The following CNOT9 variants were observed in gnomAD, a reference collection of about 807,000 sequenced individuals.
CNOT9 encodes RCD1 required for cell differentiation1 homolog.
Under a neutral mutation model 37.4 loss-of-function variants are expected in CNOT9, and 8 were observed. The ratio of observed to expected loss-of-function variants is 0.21; its 90% CI spans 0.13 to 0.39. The LOEUF is 0.39. Among genes scored for constraint, CNOT9 ranks in the 10% least tolerant of loss-of-function variants. CNOT9 has a pLI of 1.00. For synonymous variants in CNOT9, 120 were observed against 137.6 expected, an observed-to-expected ratio of 0.87 and a Z score of 0.90; for missense variants, 154 against 365.3, an observed-to-expected ratio of 0.42 and a Z score of 4.71.
chr2:218,579,982 C>CTT (rs35938584), intron 1 of CNOT9, among the ~76,000 whole-genome samples: 52 of 115,346 alleles, frequency 4.5e-4, no homozygotes, highest in African/African-American at 9.7e-4. Context: ...CCACACCTGG[C>CTT]TTTTTTTTTT....
In CNOT9 at chr2:218,592,636, A is replaced by G. The variant is rs980428960; in HGVS notation, c.660A>G (p.Leu220=). The G allele has an allele frequency of 8.7e-6, 14 of 1,614,066 alleles. No individual in the cohort carries two copies. Among genetic ancestry groups the G allele is most frequent in the East Asian group, 6.7e-5 (3 of 44,896 alleles). The part of the protein sequence containing the change: ...AMILGKMVLQ[L]SKEPSARLLK... ...AACAGGGTAAGATGGTCCTGCAGCTATCCAAAGAGCCTTCTGCCCGTCTGC... is the reference window on the plus strand; with the variant it reads ...AACAGGGTAAGATGGTCCTGCAGCTGTCCAAAGAGCCTTCTGCCCGTCTGC... Residue 220 remains leucine (L), a synonymous_variant, in exon 7 of 8, where the codon CTA becomes CTG. Transcript: ENST00000273064. This position sits in a 1 kb window ranked among gnomAD's most constrained non-coding sequence, Gnocchi z 4.1.
intron 2 of CNOT9, chr2:218,581,097 GAGTATAAGGACCACA>G: frequency 2.2e-6 from 1 of 456,426 alleles, no homozygotes; most frequent in Admixed American, 2.4e-5. Context: ...GTGGAAAGTA[GAGTATAAGGACCACA>G]AGGTACAATA....
chr2:218,574,536 G>C (rs1194141729), intron 1 of CNOT9, among the ~76,000 whole-genome samples: 1 of 152,148 alleles, frequency 6.6e-6, no homozygotes, highest in Non-Finnish European at 1.5e-5. Context: ...CTATCCTTGA[G>C]ACCAGATAGA....
intron 5 of CNOT9, chr2:218,589,094 A>G (rs546292099): frequency 2.2e-4 from 33 of 151,810 alleles, no homozygotes; most frequent in African/African-American, 7.0e-4. Context: ...GTAGTATTCA[A>G]CCTCTGCTCT....
chr2:218,568,841 G>A lies in CNOT9; in HGVS notation c.-114G>A. ...GAGGGCCGCGAAGTGGGCGGAGCGA[G>A]CCGGAGTCGGATGGCGGCTACGGCG... On this transcript the variant is annotated 5_prime_UTR_variant, in exon 1 of 8. Coordinates refer to ENST00000273064, the MANE Select transcript of CNOT9 (RefSeq NM_005444.3). The A allele has an allele frequency of 4.0e-6, 5 of 1,258,632 alleles. No individual in the cohort carries two copies. The highest frequency in any genetic ancestry group is 5.6e-6 in the Non-Finnish European group (5 of 893,564). 78.0% of individuals were successfully genotyped at this position (1,258,632 alleles called of 1,614,324 possible).
Position 218,594,361 on chromosome 2 carries a change from G to T in CNOT9, c.*85G>T. On this transcript the variant is annotated 3_prime_UTR_variant, in exon 8 of 8. Transcript: ENST00000273064. ...GAAAAACAGCTCAGGTTTTATCACC[G>T]ACTGGGAATAGACAACCTCAATGCT... The T allele has an allele frequency of 7.1e-7, 1 of 1,415,282 alleles. No homozygotes were observed. The highest frequency in any genetic ancestry group is 1.3e-5 in the South Asian group (1 of 74,864). The allele number at this position is 1,415,282 out of a possible 1,614,324, so 87.7% of individuals were successfully genotyped here.
intron 1 of CNOT9, 41 bp downstream of exon 1, chr2:218,569,019 C>T: frequency 6.2e-7 from 1 of 1,608,364 alleles, no homozygotes; most frequent in Non-Finnish European, 8.5e-7. Context: ...AGAATCCTTT[C>T]TCAGACCCAC....
chr2:218,579,872 G>C (rs1183942307), intron 1 of CNOT9, among the ~76,000 whole-genome samples: 1 of 151,508 alleles, frequency 6.6e-6, no homozygotes, highest in Non-Finnish European at 1.5e-5. Flanking sequence ...AAGCTGGAGT[G>C]CAATGGTGCA....
intron 3 of CNOT9, 143 bp downstream of exon 3, chr2:218,583,229 GTGTGTCTCTCTCTCTCTCTCTCTC>G (rs1368904274): frequency 4.3e-3 from 384 of 90,104 alleles, no homozygotes; most frequent in Middle Eastern, 0.01. Flanking sequence ...GTGTGTGTGT[GTGTGTCTCTCTCTCTCTCTCTCTC>G]TCTCTCTCTC....
chr2:218,571,414 A>C (rs1163163839), intron 1 of CNOT9, among the ~76,000 whole-genome samples: 1 of 152,182 alleles, frequency 6.6e-6, no homozygotes, highest in African/African-American at 2.4e-5. Flanking sequence ...GCAACATAGC[A>C]AGACTTTGTC....
intron 7 of CNOT9, chr2:218,593,764 A>G: frequency 8.3e-7 from 1 of 1,205,470 alleles, no homozygotes; most frequent in Non-Finnish European, 1.1e-6. Flanking sequence ...TGATTTTTGA[A>G]TTATTTTATT....
At position 218,570,965 on chromosome 2, in the gene CNOT9, G is replaced by A. The variant is rs572227904; in HGVS notation, c.24+1987G>A. ...TCATTCACTAGGTTATATTTAGCTA[G>A]TGAGGAAACTAAAACGTAAAAAGTT... On this transcript the variant is annotated intron_variant, in intron 1 of 7. Transcript: ENST00000273064. Among the ~76,000 whole-genome samples the A allele has an allele frequency of 2.0e-5, 3 of 152,306 alleles. No homozygotes were observed. The South Asian group carries it at 6.2e-4, about 32-fold the overall frequency.
rs1694889030 is a variant in CNOT9, at chr2:218,594,922, G to A, written c.*646G>A. 1 of 152,228 alleles carries A rather than the reference G, an allele frequency of 6.6e-6. No individual in the cohort carries two copies. The allele number at this position is 152,228 out of a possible 1,614,324, so 9.4% of individuals were successfully genotyped here. A position where few individuals can be genotyped will look rare whatever the true frequency, so the allele number is the denominator to read the frequency against. ...GGCAGGCCAATAGCTGCATCAAGCT[G>A]TTGGGAGAAATGGGAGGGCAGGGGA... On this transcript the variant is annotated 3_prime_UTR_variant, in exon 8 of 8. Transcript: ENST00000273064.
chr2:218,594,064 T>A, intron 7 of CNOT9, 44 bp from the exon 8 acceptor site: 1 of 1,598,376 alleles, frequency 6.3e-7, no homozygotes, highest in South Asian at 1.1e-5. Flanking sequence ...AAATGTGGGT[T>A]TATTTGTTGG....
chr2:218,582,955 G>T lies in CNOT9; in HGVS notation c.205-16G>T. Reference sequence around the variant, plus strand: ...AGTTATTCCTTATTCATCTGATGCTGATTTCCATTTTTTAGGAAATTGTAA... The same window carrying T: ...AGTTATTCCTTATTCATCTGATGCTTATTTCCATTTTTTAGGAAATTGTAA... On this transcript the variant is annotated splice_polypyrimidine_tract_variant and intron_variant, in intron 2 of 7. Transcript: ENST00000273064. 7.1e-7 allele frequency: 1 copy of T among 1,417,546 alleles called. No homozygotes were observed. Among genetic ancestry groups the T allele is most frequent in the African/African-American group, 1.4e-5 (1 of 70,654 alleles). 87.8% of individuals were successfully genotyped at this position (1,417,546 alleles called of 1,614,324 possible).
chr2:218,583,545 G>T (rs1180283687), intron 3 of CNOT9, among the ~76,000 whole-genome samples: 2 of 151,982 alleles, frequency 1.3e-5, no homozygotes, highest in African/African-American at 4.8e-5. Context: ...TATAATAGAC[G>T]AGAATTGGCA....
chr2:218,569,385 T>G (rs1693876225), intron 1 of CNOT9, among the ~76,000 whole-genome samples: 1 of 152,208 alleles, frequency 6.6e-6, no homozygotes, highest in Non-Finnish European at 1.5e-5. Flanking sequence ...AGGAAATGGC[T>G]TCTAGTTCAA....
chr2:218,581,641 A>G (rs1433192611), intron 2 of CNOT9, among the ~76,000 whole-genome samples: 2 of 152,238 alleles, frequency 1.3e-5, no homozygotes, highest in African/African-American at 2.4e-5. Flanking sequence ...ATGATCATCC[A>G]TTAAAGTATT....
rs759268121 is a variant in CNOT9 at position 218,574,720 on chromosome 2, TTAA to T, written c.24+5747_24+5749del. Among the ~76,000 whole-genome samples, 52 of 152,206 alleles carry T rather than the reference TTAA, an allele frequency of 3.4e-4. 1 individual carries two copies. The highest frequency in any genetic ancestry group is 1.3e-4 in the Non-Finnish European group (9 of 68,038). ...TATGCTCAATAAATATTACTGCATA[TTAA>T]TAATTTCTGGAAAAGGCAGACCTAA... On this transcript the variant is annotated intron_variant, in intron 1 of 7. Coordinates refer to ENST00000273064, the MANE Select transcript of CNOT9 (RefSeq NM_005444.3).
Sources: allele counts gnomAD v4.1 joint callset (sites outside exome capture counted in the v4.1 genomes callset), GRCh38; gene constraint gnomAD v4.1.1; non-coding constraint Gnocchi (gnomAD v3.1); transcripts MANE v1.5; gene names NCBI Gene and HGNC (gene_info 2026-07-23, HGNC 2026-07-21).